Variants in TRMT10B observed in about 807,000 individuals in gnomAD.
TRMT10B encodes the protein tRNA methyltransferase 10B, also known as tRNA methyltransferase 10 homolog B.
TRMT10B carries 33 observed loss-of-function variants against 43.8 expected under a neutral mutation model. The ratio of observed to expected loss-of-function variants is 0.75; its 90% CI spans 0.57 to 1.01. The LOEUF is 1.01. Ranked by LOEUF, TRMT10B falls within the 50% of genes least tolerant of loss-of-function variation. TRMT10B has a pLI of 0.00. For synonymous variants in TRMT10B, 137 were observed against 130.6 expected (o/e 1.05, Z -0.34); for missense variants, 362 against 369.8 (o/e 0.98, Z 0.17).
intron 8 of TRMT10B, among the ~76,000 whole-genome samples, chr9:37,776,697 C>T (rs867003106): frequency 1.4e-4 from 22 of 152,060 alleles, no homozygotes; most frequent in Admixed American, 5.2e-4. Context: ...GTTAGGAGTT[C>T]GAAACCAGCC....
rs1828399491 is a variant in TRMT10B, at chr9:37,778,319, A to T, written c.*612A>T. 6.6e-6 allele frequency: 1 copy of T among 152,436 alleles called. No individual in the cohort carries two copies. The highest frequency in any genetic ancestry group is 1.5e-5 in the Non-Finnish European group (1 of 68,262). The allele number at this position is 152,436 out of a possible 1,614,324, so 9.4% of individuals were successfully genotyped here. Reference sequence around the variant, plus strand: ...ATTACAAGGTCAGGAGTTCCAGACCAGCCTGGCTAATATGGTGAAACCTCG... The same window carrying T: ...ATTACAAGGTCAGGAGTTCCAGACCTGCCTGGCTAATATGGTGAAACCTCG... On this transcript the variant is annotated 3_prime_UTR_variant, in exon 9 of 9. Transcript: ENST00000297994.
rs764906599 is a variant in TRMT10B, at chr9:37,762,116, C to A, written c.185C>A (p.Ser62Ter). ...GCCACAGGCAGTACGGCATGGTGCT[C>A]GGTGAGTGCGTGAATTGCCTGGCCA... ...ILATGSTAWCSKNVQRKQRHW... is the reference protein window; with the variant it reads ...ILATGSTAWC Residue 62 changes from serine (S) to a stop codon, truncating the protein, a stop_gained and splice_region_variant, in exon 2 of 9, where the codon TCG (serine) becomes TAG (stop). Transcript: ENST00000297994. LOFTEE classifies it high-confidence loss of function. The A allele has an allele frequency of 6.2e-7, 1 of 1,611,552 alleles. No homozygotes were observed. The highest frequency in any genetic ancestry group is 1.3e-5 in the African/African-American group (1 of 74,864).
upstream of TRMT10B, among the ~76,000 whole-genome samples, chr9:37,752,998 G>A (rs754437656): frequency 2.0e-5 from 3 of 152,090 alleles, no homozygotes; most frequent in East Asian, 3.9e-4. Flanking sequence ...CTGTCTTTGT[G>A]AGCTATAACA....
chr9:37,763,520 G>A, intron 3 of TRMT10B, 109 bp from the exon 4 acceptor site: 3 of 870,748 alleles, frequency 3.4e-6, no homozygotes, highest in Non-Finnish European at 5.4e-6. Context: ...CCTTACATCA[G>A]TATCAAGTTT....
At chr9:37,777,354 T>C (rs1019237106) in intron 8 of TRMT10B, among the ~76,000 whole-genome samples, 6 of 149,298 alleles carry the variant, frequency 4.0e-5, no homozygotes, top group African/African-American at 1.2e-4. Context: ...GCAGAGCCCT[T>C]CTGTTTCCCA....
intron 7 of TRMT10B, 104 bp downstream of exon 7, chr9:37,770,843 G>C: frequency 8.1e-7 from 1 of 1,230,082 alleles, no homozygotes; most frequent in Non-Finnish European, 1.1e-6. Context: ...AGAACTCAGA[G>C]GGAACAGGAA....
At chr9:37,765,586 C>G (rs1343060903) in intron 4 of TRMT10B, among the ~76,000 whole-genome samples, 1 of 152,150 alleles carries the variant, frequency 6.6e-6, no homozygotes, top group Non-Finnish European at 1.5e-5. Flanking sequence ...ATTTATAATC[C>G]TTTGGGTATA....
chr9:37,773,976 AAC>A, intron 7 of TRMT10B, among the ~76,000 whole-genome samples: 1 of 138,866 alleles, frequency 7.2e-6, no homozygotes, highest in African/African-American at 2.9e-5. Context: ...AAAAAAAAAC[AAC>A]AATAATAATA....
At position 37,753,814 on chromosome 9, in the gene TRMT10B, A is replaced by AT. The variant is rs370358132; in HGVS notation, c.-67dup. 18 of 152,128 alleles carry AT rather than the reference A, an allele frequency of 1.2e-4. No homozygotes were observed. Among genetic ancestry groups the AT allele is most frequent in the African/African-American group, 4.3e-4 (18 of 41,472 alleles). 9.4% of individuals were successfully genotyped at this position (152,128 alleles called of 1,614,324 possible). On this transcript the variant is annotated 5_prime_UTR_variant, in exon 1 of 9. It removes an upstream start codon present in the reference 5' UTR. Transcript: ENST00000297994. ...CGAGGCCGGGGGCGGGGGGGATCCG[A>AT]TGCGCGCCGCTGCCGCTGCGTGGGG...
chr9:37,778,868 C>G lies in TRMT10B; in HGVS notation c.*1161C>G, dbSNP rs1828455178. Reference sequence around the variant, plus strand: ...TCCTAATCCTTCCTAATGGTAGGATCCTAACAGGACAAATCTGTGTACCTA... The same window carrying G: ...TCCTAATCCTTCCTAATGGTAGGATGCTAACAGGACAAATCTGTGTACCTA... On this transcript the variant is annotated 3_prime_UTR_variant, in exon 9 of 9. Transcript: ENST00000297994. 6.6e-6 allele frequency: 1 copy of G among 152,132 alleles called. No homozygotes were observed. Among genetic ancestry groups the G allele is most frequent in the Admixed American group, 6.5e-5 (1 of 15,276 alleles). The allele number at this position is 152,132 out of a possible 1,614,324, so 9.4% of individuals were successfully genotyped here. A position where few individuals can be genotyped will look rare whatever the true frequency, so the allele number is the denominator to read the frequency against.
At chr9:37,757,688 C>T (rs545104841) in intron 1 of TRMT10B, among the ~76,000 whole-genome samples, 2 of 151,344 alleles carry the variant, frequency 1.3e-5, no homozygotes, top group South Asian at 2.1e-4. Context: ...ACTGTAAGAA[C>T]AACACTGAAG....
At chr9:37,770,053 A>G (rs1211350065) in intron 6 of TRMT10B, 34 bp downstream of exon 6, 1 of 1,557,572 alleles carries the variant, frequency 6.4e-7, no homozygotes, top group Admixed American at 1.7e-5. Flanking sequence ...CGTATAGCCC[A>G]TTGTTCCTGT....
intron 8 of TRMT10B, 102 bp from the exon 9 acceptor site, chr9:37,777,499 C>T (rs889673864): frequency 3.7e-5 from 35 of 952,500 alleles, no homozygotes; most frequent in Non-Finnish European, 5.2e-5. Flanking sequence ...ACATATGGTG[C>T]AGAATAGGTT....
intron 6 of TRMT10B, 93 bp from the exon 7 acceptor site, chr9:37,770,579 A>G: frequency 8.5e-7 from 1 of 1,177,002 alleles, no homozygotes; most frequent in East Asian, 2.5e-5. Context: ...CTGAATTTCT[A>G]CTTTTATTGT....
intron 1 of TRMT10B, among the ~76,000 whole-genome samples, chr9:37,756,375 G>A (rs1391545375): frequency 2.0e-5 from 3 of 151,302 alleles, no homozygotes; most frequent in Non-Finnish European, 4.4e-5. Flanking sequence ...TCATCTAAAA[G>A]AACTGTCATA....
chr9:37,774,362 G>C (rs1043328642), intron 7 of TRMT10B, among the ~76,000 whole-genome samples: 5 of 152,228 alleles, frequency 3.3e-5, no homozygotes, highest in Non-Finnish European at 5.9e-5. Context: ...ATGACTTACA[G>C]ATGTGCAGTT....
Position 37,777,770 on chromosome 9 carries a change from C to A in TRMT10B, c.*63C>A. 1 of 1,357,388 alleles carries A rather than the reference C, an allele frequency of 7.4e-7. No individual in the cohort carries two copies. The highest frequency in any genetic ancestry group is 1.1e-6 in the Non-Finnish European group (1 of 950,810). The allele number at this position is 1,357,388 out of a possible 1,614,324, so 84.1% of individuals were successfully genotyped here. On this transcript the variant is annotated 3_prime_UTR_variant, in exon 9 of 9. Transcript: ENST00000297994. ...GCCGTAATGCCAACACTTTGGTAGA[C>A]CGAAGTGGGCAGATCACCTGAGGTC...
At chr9:37,775,858 C>A (rs1828083067) in intron 7 of TRMT10B, among the ~76,000 whole-genome samples, 1 of 152,174 alleles carries the variant, frequency 6.6e-6, no homozygotes. Flanking sequence ...CTTCTCACAC[C>A]CTAATGCCAC....
At chr9:37,752,925 T>C (rs533694533), upstream of TRMT10B, among the ~76,000 whole-genome samples, 6 of 152,210 alleles carry the variant, frequency 3.9e-5, no homozygotes, top group South Asian at 4.1e-4. Context: ...GTTGCCTTTC[T>C]GGACTGTGGG....
Sources: gnomAD v4.1 joint callset for allele counts (sites outside exome capture counted in the v4.1 genomes callset) on GRCh38, gnomAD v4.1.1 for gene constraint, MANE v1.5 for transcripts, NCBI Gene and HGNC (gene_info 2026-07-23, HGNC 2026-07-21) for gene names.